The following ANO3 variants were observed in gnomAD, a reference collection of about 807,000 sequenced individuals.
ANO3 encodes the protein anoctamin-3.
A neutral mutation model predicts 144.8 loss-of-function variants in ANO3; 99 were observed. The ratio of observed to expected loss-of-function variants is 0.68; its 90% confidence interval spans 0.58 to 0.81. The LOEUF is 0.81. Ranked by LOEUF, ANO3 falls within the 30% of genes least tolerant of loss-of-function variation. The pLI is 0.00. For synonymous variants in ANO3, 414 were observed against 392.6 expected, an observed-to-expected ratio of 1.05 and a Z score of -0.64; for missense variants, 905 against 1,202.2, an observed-to-expected ratio of 0.75 and a Z score of 3.66.
intron 10 of ANO3, among the ~76,000 whole-genome samples, chr11:26,540,020 C>A (rs1400896090): frequency 6.6e-6 from 1 of 152,068 alleles, no homozygotes; most frequent in African/African-American, 2.4e-5. Context: ...ATAGTCACCG[C>A]ATATATTGTC....
intron 18 of ANO3, among the ~76,000 whole-genome samples, chr11:26,633,790 A>T (rs542801416): frequency 8.5e-5 from 13 of 152,118 alleles, no homozygotes; most frequent in African/African-American, 1.2e-4. Context: ...GAACTAAAAA[A>T]CTTGGCAAGG....
intron 4 of ANO3, among the ~76,000 whole-genome samples, chr11:26,491,039 T>C (rs1860685366): frequency 6.6e-6 from 1 of 152,256 alleles, no homozygotes; most frequent in Non-Finnish European, 1.5e-5. Context: ...TAAACTCATC[T>C]GTTGTGAATA....
chr11:26,292,663 G>C (rs570824703), intron 1 of ANO3, among the ~76,000 whole-genome samples: 2 of 152,166 alleles, frequency 1.3e-5, no homozygotes, highest in East Asian at 3.9e-4. Flanking sequence ...CCTTCTAACA[G>C]TTAGGACCCT....
intron 18 of ANO3, among the ~76,000 whole-genome samples, chr11:26,626,194 A>C (rs551197102): frequency 6.6e-6 from 1 of 152,186 alleles, no homozygotes; most frequent in Non-Finnish European, 1.5e-5. Flanking sequence ...TACTTTGGTG[A>C]AAACCTTTTA....
At chr11:26,223,623 C>A (rs72872722) in intron 1 of ANO3, among the ~76,000 whole-genome samples, 44,899 of 143,966 alleles carry the variant, frequency 0.31, 7,391 homozygotes, top group Non-Finnish European at 0.37. Context: ...AAAAAAAAAA[C>A]CCTGAGATTG....
chr11:26,482,968 G>A (rs1382864933), intron 4 of ANO3, among the ~76,000 whole-genome samples: 5 of 151,858 alleles, frequency 3.3e-5, no homozygotes, highest in African/African-American at 1.2e-4. Context: ...CTTATTTTCA[G>A]TCACCTATTG....
At chr11:26,543,968 T>A (rs926428450) in intron 11 of ANO3, among the ~76,000 whole-genome samples, 2 of 151,790 alleles carry the variant, frequency 1.3e-5, no homozygotes, top group African/African-American at 4.8e-5. Flanking sequence ...AGAACCAAGA[T>A]GTTTTATTTC....
At chr11:26,623,598 G>A (rs1213070030) in intron 17 of ANO3, among the ~76,000 whole-genome samples, 2 of 151,994 alleles carry the variant, frequency 1.3e-5, no homozygotes, top group Admixed American at 6.6e-5. Flanking sequence ...CAACAGATTT[G>A]ACTTATGCAT....
intron 1 of ANO3, among the ~76,000 whole-genome samples, chr11:26,390,741 TAC>T (rs923983009): frequency 7.9e-5 from 12 of 152,146 alleles, no homozygotes; most frequent in Non-Finnish European, 1.5e-4. Context: ...AGTGAACCAT[TAC>T]ACAGTTACTG....
chr11:26,228,660 A>G (rs1421278223), intron 1 of ANO3, among the ~76,000 whole-genome samples: 2 of 152,230 alleles, frequency 1.3e-5, no homozygotes, highest in Non-Finnish European at 2.9e-5. Context: ...CTGAAACATA[A>G]TGGTCTGTCA....
chr11:26,557,575 A>G (rs996887878), intron 13 of ANO3, among the ~76,000 whole-genome samples: 1 of 152,058 alleles, frequency 6.6e-6, no homozygotes, highest in African/African-American at 2.4e-5. Flanking sequence ...TTATATGTGT[A>G]GGACAAGATT....
intron 24 of ANO3, among the ~76,000 whole-genome samples, chr11:26,654,589 C>A (rs2133091637): frequency 6.6e-6 from 1 of 151,904 alleles, no homozygotes; most frequent in Admixed American, 6.6e-5. Flanking sequence ...TATGTTAATT[C>A]CAGTTATGTC....
At chr11:26,387,175 T>G (rs7935941) in intron 1 of ANO3, among the ~76,000 whole-genome samples, 44 of 147,366 alleles carry the variant, frequency 3.0e-4, no homozygotes, top group Non-Finnish European at 4.8e-4. Context: ...GGTTTCACCA[T>G]GTTGGCCAGG....
rs113758955 is a variant in ANO3 at position 26,347,102 on chromosome 11, A to AG, written c.46+14781_46+14782insG. Among the ~76,000 whole-genome samples the AG allele has an allele frequency of 1.4e-3, 214 of 152,332 alleles. 1 individual carries two copies. Among genetic ancestry groups the AG allele is most frequent in the African/African-American group, 4.7e-3 (196 of 41,582 alleles). ...GTAATGTAAGATGGTAGTTGCATAC[A>AG]AAGCTTCAAATTCTCGCTCCATCAC... On this transcript the variant is annotated intron_variant, in intron 1 of 26. Coordinates refer to ENST00000256737, the MANE Select transcript of ANO3 (RefSeq NM_031418.4).
intron 1 of ANO3, among the ~76,000 whole-genome samples, chr11:26,225,358 T>TA (rs1488751447): frequency 6.6e-6 from 1 of 152,094 alleles, no homozygotes; most frequent in Non-Finnish European, 1.5e-5. Context: ...GTGAGACAAG[T>TA]AAATTACTAC....
intron 24 of ANO3, among the ~76,000 whole-genome samples, chr11:26,649,698 T>C (rs1179963654): frequency 6.6e-6 from 1 of 151,672 alleles, no homozygotes; most frequent in Non-Finnish European, 1.5e-5. Context: ...GACCGCGCCA[T>C]TGCACTCCAG....
At chr11:26,340,557 T>G (rs1855329970) in intron 1 of ANO3, among the ~76,000 whole-genome samples, 2 of 152,206 alleles carry the variant, frequency 1.3e-5, no homozygotes, top group Admixed American at 6.5e-5. Flanking sequence ...AAATCTGTAT[T>G]TTTTACAAAG....
Position 26,647,716 on chromosome 11 carries a change from G to C in ANO3, c.2436G>C (p.Trp812Cys). ...LPARATDIGI[W>C]LGILEGIGIL... ...TAATCTTTCTCTTACCAGGTATCTG[G>C]CTTGGAATTCTCGAAGGAATCGGTA... Residue 812 changes from tryptophan (W) to cysteine (C), a missense_variant, in exon 24 of 27, where the codon TGG becomes TGC. By Grantham distance (215) the Trp-to-Cys change is radical. Coordinates refer to ENST00000256737, the MANE Select transcript of ANO3 (RefSeq NM_031418.4). The C allele has an allele frequency of 1.2e-6, 2 of 1,601,952 alleles. No homozygotes were observed. Among genetic ancestry groups the C allele is most frequent in the Non-Finnish European group, 1.7e-6 (2 of 1,171,684 alleles).
In ANO3 at chr11:26,622,653, C is replaced by T. The variant is rs531256499; in HGVS notation, c.1837-1809C>T. On this transcript the variant is annotated intron_variant, in intron 17 of 26. Coordinates refer to ENST00000256737, the MANE Select transcript of ANO3 (RefSeq NM_031418.4). ...ATGAAATGGTTTATGTGACAAGGCA[C>T]GATGTATGTGGTGCTAGACAGCCAT... is the stretch of plus-strand genomic sequence containing the variant. 1.1e-4 allele frequency among the ~76,000 whole-genome samples: 17 copies of T among 152,140 alleles called. No individual in the cohort carries two copies. The South Asian group carries it at 2.7e-3, about 24-fold the overall frequency.
Sources: allele counts gnomAD v4.1 joint callset (sites outside exome capture counted in the v4.1 genomes callset), GRCh38; gene constraint gnomAD v4.1.1; transcripts MANE v1.5; gene names NCBI Gene and HGNC (gene_info 2026-07-23, HGNC 2026-07-21).